Variants in DCLK2 observed in about 807,000 individuals in gnomAD.
DCLK2 encodes doublecortin like kinase 2.
Under a neutral mutation model 78.4 loss-of-function variants are expected in DCLK2, and 31 were observed. The ratio of observed to expected loss-of-function variants is 0.40; its 90% CI spans 0.30 to 0.53. The LOEUF is 0.53. Among genes scored for constraint, DCLK2 ranks in the 20% least tolerant of loss-of-function variants. DCLK2 has a pLI of 0.61. For synonymous variants in DCLK2, 407 were observed against 374.9 expected (o/e 1.09, Z -0.99); for missense variants, 872 against 973.7 (o/e 0.90, Z 1.39).
intron 2 of DCLK2, among the ~76,000 whole-genome samples, chr4:150,175,209 A>AATTTATATATATTTATC (rs1360932500): frequency 5.2e-5 from 6 of 115,174 alleles, no homozygotes; most frequent in African/African-American, 1.7e-4. Flanking sequence ...ATATATTTAT[A>AATTTATATATATTTATC]TATATTTATC....
At chr4:150,241,107 G>A (rs766688819) in intron 12 of DCLK2, among the ~76,000 whole-genome samples, 1 of 152,108 alleles carries the variant, frequency 6.6e-6, no homozygotes, top group Non-Finnish European at 1.5e-5. Context: ...CTCTTTCCAA[G>A]CATTCAAGTT....
At chr4:150,149,253 T>G (rs1734716852) in intron 2 of DCLK2, among the ~76,000 whole-genome samples, 2 of 152,070 alleles carry the variant, frequency 1.3e-5, no homozygotes, top group Non-Finnish European at 2.9e-5. Flanking sequence ...TTATGGAGCT[T>G]TTCCAAATAA....
intron 2 of DCLK2, among the ~76,000 whole-genome samples, chr4:150,129,447 G>A (rs1275961115): frequency 2.0e-5 from 3 of 152,136 alleles, no homozygotes; most frequent in South Asian, 2.1e-4. Flanking sequence ...ATGGCCAGGC[G>A]CCGTGGCTTA....
chr4:150,220,720 C>A lies in DCLK2; in HGVS notation c.1074C>A (p.Gly358=). The A allele has an allele frequency of 6.2e-7, 1 of 1,613,592 alleles. No homozygotes were observed. Among genetic ancestry groups the A allele is most frequent in the South Asian group, 1.1e-5 (1 of 90,928 alleles). The change falls in exon 6 of 16, where the codon GGC becomes GGA. Residue 358 remains glycine (G), a synonymous_variant. Coordinates refer to ENST00000296550, the MANE Select transcript of DCLK2 (RefSeq NM_001040260.4). The part of the protein sequence containing the change: ...FRGLKQISAH[G]RSSSNVNGGP... ...TCTTTCAGCAGATTTCTGCTCATGG[C>A]AGATCTTCTTCCAATGTAAACGGTG...
intron 1 of DCLK2, among the ~76,000 whole-genome samples, chr4:150,095,147 C>CA (rs1730367142): frequency 6.6e-6 from 1 of 152,158 alleles, no homozygotes; most frequent in Non-Finnish European, 1.5e-5. Flanking sequence ...ATAAAACACA[C>CA]GCAGCCAGAA....
intron 15 of DCLK2, chr4:150,253,386 T>A: frequency 7.9e-7 from 1 of 1,271,790 alleles, no homozygotes; most frequent in Non-Finnish European, 1.0e-6. Context: ...GGCCTGAGAC[T>A]TCAGTGAGAA....
intron 2 of DCLK2, among the ~76,000 whole-genome samples, chr4:150,173,671 G>T (rs1006605870): frequency 2.0e-5 from 3 of 152,176 alleles, no homozygotes; most frequent in Non-Finnish European, 4.4e-5. Flanking sequence ...AGCAGTGAGT[G>T]CCTTGCATTG....
chr4:150,079,581 T>C, intron 1 of DCLK2, 133 bp downstream of exon 1: 1 of 947,340 alleles, frequency 1.1e-6, no homozygotes, highest in Non-Finnish European at 1.5e-6. Flanking sequence ...TCTGCTTCTC[T>C]AGAGATTGGC....
intron 5 of DCLK2, 25 bp from the exon 6 acceptor site, chr4:150,220,678 A>G (rs1389540258): frequency 6.3e-7 from 1 of 1,592,794 alleles, no homozygotes; most frequent in African/African-American, 1.3e-5. Context: ...TATCCTGATA[A>G]ATAATGGTCA....
At chr4:150,161,133 AAGTT>A (rs1319354493) in intron 2 of DCLK2, among the ~76,000 whole-genome samples, 6 of 152,320 alleles carry the variant, frequency 3.9e-5, no homozygotes, top group East Asian at 1.9e-4. Flanking sequence ...CAGGGACTGA[AAGTT>A]AGTCAATGAA....
chr4:150,144,347 C>T (rs574096922), intron 2 of DCLK2, among the ~76,000 whole-genome samples: 1 of 152,032 alleles, frequency 6.6e-6, no homozygotes, highest in African/African-American at 2.4e-5. Flanking sequence ...GTGTCCTTTT[C>T]CCATTTATTT....
chr4:150,170,084 A>T (rs1193093019), intron 2 of DCLK2, among the ~76,000 whole-genome samples: 1 of 152,118 alleles, frequency 6.6e-6, no homozygotes, highest in African/African-American at 2.4e-5. Flanking sequence ...ACAGAGTCTC[A>T]CTCTGACACC....
chr4:150,092,035 T>A (rs1226132882), intron 1 of DCLK2, among the ~76,000 whole-genome samples: 5 of 152,128 alleles, frequency 3.3e-5, no homozygotes, highest in African/African-American at 1.2e-4. Context: ...ACTTTTTACA[T>A]AACCTATGTA....
At chr4:150,129,779 T>C (rs1400509001) in intron 2 of DCLK2, among the ~76,000 whole-genome samples, 2 of 151,726 alleles carry the variant, frequency 1.3e-5, no homozygotes, top group Non-Finnish European at 2.9e-5. Flanking sequence ...ATTAAAATGA[T>C]CTATGGAACA....
At chr4:150,229,982 G>A (rs537112248) in intron 8 of DCLK2, among the ~76,000 whole-genome samples, 18 of 152,120 alleles carry the variant, frequency 1.2e-4, no homozygotes, top group African/African-American at 3.1e-4. Flanking sequence ...CGTTTGTAAC[G>A]ATTTTTATGC....
intron 5 of DCLK2, among the ~76,000 whole-genome samples, chr4:150,216,526 C>T (rs1252393128): frequency 2.0e-5 from 3 of 152,118 alleles, no homozygotes; most frequent in African/African-American, 7.2e-5. Context: ...GTAATCTCAG[C>T]TACCCAGGAG....
rs1736215990 is a variant in DCLK2 at position 150,167,897 on chromosome 4, C to G, written c.757-25241C>G. ...TGCTAGATTGGTAAGGGAAGAATGCCTCAGGTGAGCATGCGTACAACTCCA... is the reference window on the plus strand; with the variant it reads ...TGCTAGATTGGTAAGGGAAGAATGCGTCAGGTGAGCATGCGTACAACTCCA... On this transcript the variant is annotated intron_variant, in intron 2 of 15. Coordinates refer to ENST00000296550, the MANE Select transcript of DCLK2 (RefSeq NM_001040260.4). Among the ~76,000 whole-genome samples, 3 of 152,140 alleles carry G rather than the reference C, an allele frequency of 2.0e-5. No homozygotes were observed. In the South Asian group the frequency reaches 6.2e-4, roughly 32 times the overall value.
intron 5 of DCLK2, among the ~76,000 whole-genome samples, chr4:150,211,559 C>A (rs951507252): frequency 2.0e-5 from 3 of 152,104 alleles, no homozygotes; most frequent in Admixed American, 6.6e-5. Flanking sequence ...AAAATTTCTG[C>A]CCTGGGCTGG....
At chr4:150,213,375 T>A (rs1465619296) in intron 5 of DCLK2, among the ~76,000 whole-genome samples, 1 of 152,244 alleles carries the variant, frequency 6.6e-6, no homozygotes, top group Non-Finnish European at 1.5e-5. Flanking sequence ...ACCCTCTGGG[T>A]GCTGATTCCG....
Sources: allele counts gnomAD v4.1 joint callset (sites outside exome capture counted in the v4.1 genomes callset), GRCh38; gene constraint gnomAD v4.1.1; transcripts MANE v1.5; gene names NCBI Gene and HGNC (gene_info 2026-07-23, HGNC 2026-07-21).